Variants in PSME4 observed in about 807,000 individuals in gnomAD.
PSME4 encodes proteasome activator subunit 4, also known as proteasome activator complex subunit 4.
A neutral mutation model predicts 253.9 loss-of-function variants in PSME4; 89 were observed. That is an observed-to-expected ratio of 0.35 (90% confidence interval 0.30 to 0.42). PSME4 has a LOEUF of 0.42. PSME4 is among the 10% of genes least tolerant of loss of function. PSME4 has a pLI of 1.00. For synonymous variants in PSME4, 851 were observed against 759.2 expected, an observed-to-expected ratio of 1.12 and a Z score of -1.99; for missense variants, 2,014 against 2,195.2, an observed-to-expected ratio of 0.92 and a Z score of 1.65.
intron 37 of PSME4, among the ~76,000 whole-genome samples, chr2:53,889,092 T>C (rs1292736903): frequency 6.6e-6 from 1 of 152,154 alleles, no homozygotes; most frequent in Non-Finnish European, 1.5e-5. Flanking sequence ...CTCCAACTCC[T>C]GGCCCCAAGC....
intron 14 of PSME4, among the ~76,000 whole-genome samples, chr2:53,925,240 G>C (rs1014609635): frequency 3.3e-5 from 5 of 152,180 alleles, no homozygotes; most frequent in African/African-American, 9.7e-5. Context: ...GATATAAGAC[G>C]GCAGAGTGCC....
chr2:53,941,000 T>C (rs1207865168), intron 3 of PSME4, among the ~76,000 whole-genome samples: 1 of 97,088 alleles, frequency 1.0e-5, no homozygotes, highest in Non-Finnish European at 2.1e-5. Context: ...TATATATATA[T>C]GAAAGGAGTA....
chr2:53,928,392 A>C (rs1221204040), intron 10 of PSME4, 89 bp from the exon 11 acceptor site: 1 of 1,087,042 alleles, frequency 9.2e-7, no homozygotes, highest in East Asian at 2.6e-5. Flanking sequence ...CATAAACTGC[A>C]CTTTGACTTA....
chr2:53,874,469 G>C lies in PSME4; in HGVS notation c.4970C>G (p.Ala1657Gly), dbSNP rs1679031514. Residue 1657 changes from alanine to glycine, a missense_variant, in exon 43 of 47, where the codon GCA (alanine) becomes GGA (glycine). Around this residue, in one of 4 missense-constraint regions of PSME4, gnomAD observed 403 missense variants for 556.1 expected, o/e 0.72. Coordinates refer to ENST00000404125, the MANE Select transcript of PSME4 (RefSeq NM_014614.3). ...KQTARSSSWH[A>G]RYTVLTYLQT... ...GAGGTAGGTCAGTACTGTGTATCGT[G>C]CATGCCAAGAACTGCTTCTTGCTGT... 6.2e-7 allele frequency: 1 copy of C among 1,613,676 alleles called. No homozygotes were observed. Among genetic ancestry groups the C allele is most frequent in the African/African-American group, 1.3e-5 (1 of 74,898 alleles).
chr2:53,913,122 A>G (rs1421725936), intron 20 of PSME4, among the ~76,000 whole-genome samples: 4 of 152,258 alleles, frequency 2.6e-5, no homozygotes, highest in Non-Finnish European at 5.9e-5. Flanking sequence ...ATTCAAAAAA[A>G]TAATTCCAGC....
At chr2:53,868,656 GATATTTT>G (rs1678723664) in intron 44 of PSME4, among the ~76,000 whole-genome samples, 2 of 145,394 alleles carry the variant, frequency 1.4e-5, no homozygotes, top group Non-Finnish European at 3.0e-5. Flanking sequence ...AATGTACATT[GATATTTT>G]ATTGGATTCT....
Position 53,949,276 on chromosome 2 carries a change from G to A in PSME4, c.250C>T (p.Arg84Ter). Residue 84 changes from arginine to a stop codon, truncating the protein, a stop_gained, in exon 2 of 47, where the codon CGA becomes TGA. Transcript: ENST00000404125. LOFTEE classifies it high-confidence loss of function. ...FWTRKLSTYI[R>*]LYGRKFSKED... is the part of the protein sequence containing the mutation. ...TTGCTAAATTTTCTCCCATAAAGTC[G>A]AATATATCTGCAAGAGAAAAATAGA... is the stretch of plus-strand genomic sequence containing the variant. 1.9e-6 allele frequency: 3 copies of A among 1,582,106 alleles called. No individual in the cohort carries two copies. The highest frequency in any genetic ancestry group is 2.6e-6 in the Non-Finnish European group (3 of 1,158,560).
intron 10 of PSME4, among the ~76,000 whole-genome samples, chr2:53,929,460 C>A (rs1668721303): frequency 1.3e-5 from 2 of 151,980 alleles, no homozygotes; most frequent in Admixed American, 1.3e-4. Context: ...TCCCGGCTAA[C>A]TTTTGTATTT....
intron 3 of PSME4, 21 bp downstream of exon 3, chr2:53,948,400 G>A: frequency 6.7e-7 from 1 of 1,486,386 alleles, no homozygotes; most frequent in Non-Finnish European, 9.4e-7. Flanking sequence ...CCAAATAAGT[G>A]CTTTAAATGG....
chr2:53,893,552 A>G, intron 35 of PSME4, 122 bp downstream of exon 35: 1 of 1,530,004 alleles, frequency 6.5e-7, no homozygotes, highest in African/African-American at 1.4e-5. Context: ...TTCAGTGTAA[A>G]TTCCAGTGCC....
intron 14 of PSME4, among the ~76,000 whole-genome samples, chr2:53,925,067 C>T (rs1166120997): frequency 1.3e-5 from 2 of 152,190 alleles, no homozygotes; most frequent in Non-Finnish European, 2.9e-5. Context: ...TTAGGCACAG[C>T]ACAACTCTCT....
intron 41 of PSME4, among the ~76,000 whole-genome samples, chr2:53,876,736 T>TTTTTTTTTTTTTTTTTTTTTTTTTTTTG: frequency 7.7e-6 from 1 of 130,356 alleles, no homozygotes; most frequent in Admixed American, 7.5e-5. Flanking sequence ...TTTTTTTTTT[T>TTTTTTTTTTTTTTTTTTTTTTTTTTTTG]GAGACAGGGT....
intron 29 of PSME4, among the ~76,000 whole-genome samples, chr2:53,899,264 C>G (rs545076219): frequency 6.6e-6 from 1 of 151,798 alleles, no homozygotes; most frequent in Non-Finnish European, 1.5e-5. Context: ...CAGGGTTTCA[C>G]CATGTTGCCC....
chr2:53,925,403 T>C (rs1668520093), intron 14 of PSME4, 136 bp downstream of exon 14: 4 of 876,240 alleles, frequency 4.6e-6, no homozygotes, highest in Non-Finnish European at 6.3e-6. Flanking sequence ...AATGAGCAAC[T>C]GTACATTTCT....
At chr2:53,893,543 TC>T in intron 35 of PSME4, 130 bp downstream of exon 35, 1 of 1,506,142 alleles carries the variant, frequency 6.6e-7, no homozygotes, top group Non-Finnish European at 8.9e-7. Flanking sequence ...CTGTACATGT[TC>T]AGTGTAAATT....
At chr2:53,931,764 G>A (rs1249294575) in intron 10 of PSME4, 71 bp downstream of exon 10, 28 of 1,501,182 alleles carry the variant, frequency 1.9e-5, no homozygotes, top group Non-Finnish European at 2.5e-5. Flanking sequence ...CCACAGAGGA[G>A]AAAAGAGAAT....
chr2:53,970,090 G>C (rs1031314653), intron 1 of PSME4, among the ~76,000 whole-genome samples: 1 of 152,194 alleles, frequency 6.6e-6, no homozygotes, highest in Non-Finnish European at 1.5e-5. Flanking sequence ...GAGATGCGAA[G>C]AGGCGGGGAT....
At chr2:53,882,503 T>C (rs1679439034) in intron 41 of PSME4, among the ~76,000 whole-genome samples, 1 of 152,160 alleles carries the variant, frequency 6.6e-6, no homozygotes. Context: ...CGTAACATCC[T>C]TAGGAGATGG....
At chr2:53,872,502 A>T (rs549307720) in intron 43 of PSME4, among the ~76,000 whole-genome samples, 16 of 152,252 alleles carry the variant, frequency 1.1e-4, no homozygotes, top group Admixed American at 1.0e-3. Flanking sequence ...ATAATTTATA[A>T]GGCCAAGGCG....
Sources: allele counts gnomAD v4.1 joint callset (sites outside exome capture counted in the v4.1 genomes callset), GRCh38; gene constraint gnomAD v4.1.1; regional missense constraint gnomAD v4.1.1; transcripts MANE v1.5; gene names NCBI Gene and HGNC (gene_info 2026-07-23, HGNC 2026-07-21).